Variants in GRIA2 observed in about 807,000 individuals in gnomAD.
GRIA2 encodes the protein glutamate ionotropic receptor AMPA type subunit 2, also known as glutamate receptor 2.
A neutral mutation model predicts 97.3 loss-of-function variants in GRIA2; 14 were observed. The ratio of observed to expected loss-of-function variants is 0.14; its 90% CI spans 0.10 to 0.23. The LOEUF (loss-of-function observed/expected upper bound fraction) is 0.23, where lower values mean the gene tolerates loss of function less well. Among genes scored for constraint, GRIA2 ranks in the 10% least tolerant of loss-of-function variants. The pLI is 1.00. For synonymous variants in GRIA2, 412 were observed against 387.8 expected (o/e 1.06, Z -0.73); for missense variants, 558 against 1,069.8 (o/e 0.52, Z 6.67).
At chr4:157,338,113 T>A (rs1307367991) in intron 11 of GRIA2, among the ~76,000 whole-genome samples, 1 of 148,996 alleles carries the variant, frequency 6.7e-6, no homozygotes, top group African/African-American at 2.5e-5. Flanking sequence ...ATCTCTGTAT[T>A]TAGTTTATTT....
chr4:157,269,738 G>T (rs1731933122), intron 2 of GRIA2, among the ~76,000 whole-genome samples: 1 of 152,042 alleles, frequency 6.6e-6, no homozygotes, highest in African/African-American at 2.4e-5. Context: ...ATTTTTGGAA[G>T]ACAGTTATGG....
intron 6 of GRIA2, among the ~76,000 whole-genome samples, chr4:157,326,066 C>G (rs1382609998): frequency 6.6e-6 from 1 of 152,184 alleles, no homozygotes; most frequent in African/African-American, 2.4e-5. Context: ...TGTACACTGG[C>G]TCACTCTGTT....
rs138549658 is a variant in GRIA2 at position 157,303,328 on chromosome 4, T to C, written c.230-224T>C. ...TTGTTAAACAATGATGTTTGCATTT[T>C]CTTGTAACCAGAACTACTTTTTATG... On this transcript the variant is annotated intron_variant, in intron 2 of 15. Transcript: ENST00000264426. 4.9e-3 allele frequency among the ~76,000 whole-genome samples: 744 copies of C among 152,334 alleles called. 4 individuals carry two copies. The highest frequency in any genetic ancestry group is 8.2e-3 in the Non-Finnish European group (555 of 68,034).
At chr4:157,273,183 A>C (rs982217668) in intron 2 of GRIA2, among the ~76,000 whole-genome samples, 1 of 152,126 alleles carries the variant, frequency 6.6e-6, no homozygotes, top group African/African-American at 2.4e-5. Context: ...GGATGTGTAC[A>C]GATTATTTGC....
At chr4:157,259,037 T>C (rs1183162632) in intron 2 of GRIA2, among the ~76,000 whole-genome samples, 1 of 151,838 alleles carries the variant, frequency 6.6e-6, no homozygotes, top group Non-Finnish European at 1.5e-5. Flanking sequence ...GCCTGGGTAA[T>C]ATGGCAAGAA....
At chr4:157,299,839 C>G in intron 2 of GRIA2, among the ~76,000 whole-genome samples, 1 of 152,146 alleles carries the variant, frequency 6.6e-6, no homozygotes, top group East Asian at 1.9e-4. Flanking sequence ...TTACTTACTC[C>G]TTTGCAATCT....
intron 12 of GRIA2, among the ~76,000 whole-genome samples, chr4:157,345,302 A>G (rs1240140533): frequency 6.6e-6 from 1 of 151,964 alleles, no homozygotes; most frequent in Non-Finnish European, 1.5e-5. Context: ...AACCACCAAG[A>G]GATGTGAGGA....
intron 12 of GRIA2, among the ~76,000 whole-genome samples, chr4:157,359,614 A>G (rs1472822318): frequency 6.6e-6 from 1 of 152,042 alleles, no homozygotes; most frequent in Non-Finnish European, 1.5e-5. Flanking sequence ...GCATTTTTCA[A>G]TTTATTTTGG....
rs893999902 is a variant in GRIA2, at chr4:157,317,729, T to C, written c.720+18T>C. The C allele has an allele frequency of 1.9e-6, 2 of 1,042,888 alleles. No individual in the cohort carries two copies. The highest frequency in any genetic ancestry group is 3.0e-6 in the Non-Finnish European group (2 of 672,880). The allele number at this position is 1,042,888 out of a possible 1,614,324, so 64.6% of individuals were successfully genotyped here. ...CAAATCTGGTAGGTGAATTAATTGG[T>C]ATATATTATTTTACTAGATATGCTT... On this transcript the variant is annotated intron_variant, in intron 5 of 15. Coordinates refer to ENST00000264426, the MANE Select transcript of GRIA2 (RefSeq NM_001083619.3).
chr4:157,354,467 T>A (rs2126980079), intron 12 of GRIA2, among the ~76,000 whole-genome samples: 1 of 152,316 alleles, frequency 6.6e-6, no homozygotes, highest in Admixed American at 6.5e-5. Context: ...CTGTGAATTA[T>A]TAGTTGGACT....
chr4:157,314,974 A>C (rs749611130), intron 4 of GRIA2, among the ~76,000 whole-genome samples: 19 of 152,362 alleles, frequency 1.2e-4, no homozygotes, highest in Non-Finnish European at 2.4e-4. Flanking sequence ...ACAGCACTAC[A>C]GAATTACAAG....
intron 2 of GRIA2, among the ~76,000 whole-genome samples, chr4:157,303,129 A>T (rs956504606): frequency 2.6e-5 from 4 of 152,130 alleles, no homozygotes; most frequent in African/African-American, 9.7e-5. Context: ...TAACTTTTAG[A>T]TGTAAAAGCA....
intron 2 of GRIA2, among the ~76,000 whole-genome samples, chr4:157,254,619 GATA>G (rs1316246774): frequency 6.6e-6 from 1 of 151,970 alleles, no homozygotes; most frequent in Non-Finnish European, 1.5e-5. Context: ...CTGTCAAATT[GATA>G]ATATTATATA....
chr4:157,338,680 T>C (rs570261700), intron 11 of GRIA2, among the ~76,000 whole-genome samples: 8 of 152,264 alleles, frequency 5.3e-5, no homozygotes, highest in Non-Finnish European at 1.2e-4. Flanking sequence ...TTAGATAGCA[T>C]ATTTTTCCTT....
At chr4:157,267,226 C>T (rs1208306871) in intron 2 of GRIA2, among the ~76,000 whole-genome samples, 1 of 151,564 alleles carries the variant, frequency 6.6e-6, no homozygotes, top group African/African-American at 2.4e-5. Context: ...GAGTTTGAGA[C>T]CAGCCTGGCC....
chr4:157,287,553 A>G (rs1215898539), intron 2 of GRIA2, among the ~76,000 whole-genome samples: 1 of 151,660 alleles, frequency 6.6e-6, no homozygotes, highest in East Asian at 1.9e-4. Context: ...TAGTGATTAG[A>G]GTTAAATTCA....
At position 157,251,100 on chromosome 4, in the gene GRIA2, C is replaced by G. The variant is rs187272356; in HGVS notation, c.229+29293C>G. 4.6e-5 allele frequency among the ~76,000 whole-genome samples: 7 copies of G among 152,038 alleles called. No homozygotes were observed. In the East Asian group the frequency reaches 1.4e-3, roughly 30 times the overall value. On this transcript the variant is annotated intron_variant, in intron 2 of 15. Transcript: ENST00000264426. ...GCATTATGGAGCCTATCAAAAAAAG[C>G]GTATACCTTCAAGTTTTTTATGAAA... is the stretch of plus-strand genomic sequence containing the variant.
Position 157,246,004 on chromosome 4 carries a change from T to TA in GRIA2, c.229+24205dup, listed in dbSNP as rs541840753. 9.2e-5 allele frequency among the ~76,000 whole-genome samples: 14 copies of TA among 151,802 alleles called. No homozygotes were observed. The South Asian group carries it at 1.0e-3, about 11-fold the overall frequency. On this transcript the variant is annotated intron_variant, in intron 2 of 15. Transcript: ENST00000264426. Reference sequence around the variant, plus strand: ...CAACCTCATTCCAATTTTTTTCTGATAAAAAAAACAAACTGAAACCTACAT... The same window carrying TA: ...CAACCTCATTCCAATTTTTTTCTGATAAAAAAAAACAAACTGAAACCTACAT...
chr4:157,275,343 C>G (rs187996544), intron 2 of GRIA2, among the ~76,000 whole-genome samples: 3 of 152,164 alleles, frequency 2.0e-5, no homozygotes, highest in Admixed American at 6.5e-5. Context: ...ATGGTGGTTT[C>G]TTTTGCTGTG....
Sources: gnomAD v4.1 joint callset for allele counts (sites outside exome capture counted in the v4.1 genomes callset) on GRCh38, gnomAD v4.1.1 for gene constraint, MANE v1.5 for transcripts, NCBI Gene and HGNC (gene_info 2026-07-23, HGNC 2026-07-21) for gene names.